Variants in MSH3 observed in about 807,000 individuals in gnomAD.
The protein encoded by MSH3 is mutS homolog 3, also known as DNA mismatch repair protein Msh3.
A neutral mutation model predicts 123.3 loss-of-function variants in MSH3; 106 were observed. That is an observed-to-expected ratio of 0.86 (90% confidence interval 0.73 to 1.01). MSH3 has a LOEUF of 1.01. MSH3 is among the 50% of genes least tolerant of loss of function. The probability of loss-of-function intolerance (pLI) is 0.00; values close to 1 mark genes in which losing one functional copy is unlikely to be tolerated. For missense variants in MSH3, 1,459 were observed against 1,347.6 expected (o/e 1.08, Z -1.29); for synonymous variants, 515 against 481.4 (o/e 1.07, Z -0.91).
intron 4 of MSH3, 113 bp downstream of exon 4, chr5:80,670,422 CT>C: frequency 1.8e-6 from 2 of 1,115,984 alleles, no homozygotes; most frequent in Non-Finnish European, 2.6e-6. Flanking sequence ...GATCAATCAC[CT>C]TTTAAAAAAT....
Position 80,864,922 on chromosome 5 carries a change from A to G in MSH3, c.3110A>G (p.Asp1037Gly), listed in dbSNP as rs1454115884. 6.2e-7 allele frequency: 1 copy of G among 1,613,982 alleles called. No individual in the cohort carries two copies. Among genetic ancestry groups the G allele is most frequent in the East Asian group, 2.2e-5 (1 of 44,854 alleles). The change falls in exon 22 of 24, where the codon GAT becomes GGT. Residue 1037 changes from aspartate to glycine, a missense_variant. Coordinates refer to ENST00000265081, the MANE Select transcript of MSH3 (RefSeq NM_002439.5). ...NYHMGFLVSE[D>G]ESKLDPGAAE... The stretch of plus-strand genomic sequence containing the variant: ...CACATGGGATTCTTGGTCAGTGAGG[A>G]TGAAAGCAAACTGGATCCAGGTATG...
chr5:80,870,708 G>A lies in MSH3; in HGVS notation c.3131-2408G>A, dbSNP rs1054862118. ...GGAAAGCTCTTATCTGTCTGCTGCC[G>A]AATTCTTAGAGGAGGGCCAGGAAAA... On this transcript the variant is annotated intron_variant, in intron 22 of 23. Coordinates refer to ENST00000265081, the MANE Select transcript of MSH3 (RefSeq NM_002439.5). Among the ~76,000 whole-genome samples, 5 of 152,206 alleles carry A rather than the reference G, an allele frequency of 3.3e-5. No individual in the cohort carries two copies. In the South Asian group the frequency reaches 6.2e-4, roughly 19 times the overall value.
At chr5:80,827,916 G>T (rs1402709438) in intron 20 of MSH3, among the ~76,000 whole-genome samples, 2 of 152,088 alleles carry the variant, frequency 1.3e-5, no homozygotes, top group Non-Finnish European at 2.9e-5. Flanking sequence ...ATTTTTCAGA[G>T]CAGTTTTAGG....
chr5:80,659,731 G>T (rs1364865519), intron 2 of MSH3, among the ~76,000 whole-genome samples: 2 of 152,034 alleles, frequency 1.3e-5, no homozygotes, highest in Non-Finnish European at 2.9e-5. Flanking sequence ...TCCATCTCCA[G>T]AACTCATTTT....
intron 21 of MSH3, among the ~76,000 whole-genome samples, chr5:80,863,272 C>T (rs1298016287): frequency 3.3e-5 from 5 of 152,186 alleles, no homozygotes; most frequent in African/African-American, 4.8e-5. Context: ...GCCCGTGACA[C>T]AGCCCTCAGG....
chr5:80,670,513 C>T (rs564433464), intron 4 of MSH3, among the ~76,000 whole-genome samples: 2 of 152,140 alleles, frequency 1.3e-5, no homozygotes, highest in Admixed American at 6.5e-5. Context: ...AGTGAGGGGT[C>T]TCTATTGGAA....
chr5:80,712,259 T>C (rs1174338049), intron 8 of MSH3, among the ~76,000 whole-genome samples: 1 of 152,234 alleles, frequency 6.6e-6, no homozygotes, highest in Non-Finnish European at 1.5e-5. Context: ...TTTTTTCTCT[T>C]CTTTCTCTTT....
At chr5:80,815,683 T>A (rs193005021) in intron 20 of MSH3, among the ~76,000 whole-genome samples, 3 of 152,288 alleles carry the variant, frequency 2.0e-5, no homozygotes, top group Admixed American at 2.0e-4. Flanking sequence ...CACCCTTTTT[T>A]TAAAAAATTT....
chr5:80,725,432 A>G, intron 8 of MSH3, 21 bp from the exon 9 acceptor site: 1 of 1,565,032 alleles, frequency 6.4e-7, no homozygotes, highest in Non-Finnish European at 8.8e-7. Context: ...TTATCTTTGA[A>G]ATTTTCCTTT....
chr5:80,739,877 T>G (rs1384247266), intron 10 of MSH3, among the ~76,000 whole-genome samples: 1 of 152,228 alleles, frequency 6.6e-6, no homozygotes, highest in Non-Finnish European at 1.5e-5. Context: ...GGCTCTGATA[T>G]TAGGTTCTCT....
intron 15 of MSH3, among the ~76,000 whole-genome samples, chr5:80,770,300 G>T (rs1561472324): frequency 6.7e-6 from 1 of 150,026 alleles, no homozygotes; most frequent in Non-Finnish European, 1.5e-5. Flanking sequence ...AGTGGAGAAA[G>T]TAAGTGTAAG....
At chr5:80,810,057 C>T (rs1279865622) in intron 19 of MSH3, among the ~76,000 whole-genome samples, 2 of 151,430 alleles carry the variant, frequency 1.3e-5, no homozygotes, top group African/African-American at 2.4e-5. Flanking sequence ...TAAGGTCATA[C>T]GTAATTAACT....
At chr5:80,872,772 A>G (rs1413714521) in intron 22 of MSH3, among the ~76,000 whole-genome samples, 2 of 152,208 alleles carry the variant, frequency 1.3e-5, no homozygotes, top group Admixed American at 1.3e-4. Context: ...GTGCCACTGC[A>G]CTCCAGCCTA....
chr5:80,785,535 G>T (rs1639752812), intron 17 of MSH3, among the ~76,000 whole-genome samples: 1 of 152,128 alleles, frequency 6.6e-6, no homozygotes, highest in Non-Finnish European at 1.5e-5. Context: ...CAACCATTGT[G>T]GAAGTCAGTG....
chr5:80,754,765 G>A (rs774443181), intron 12 of MSH3, among the ~76,000 whole-genome samples: 20 of 152,098 alleles, frequency 1.3e-4, no homozygotes, highest in Non-Finnish European at 2.2e-4. Flanking sequence ...CATTTTAGTG[G>A]TCAATGTTCT....
intron 21 of MSH3, among the ~76,000 whole-genome samples, chr5:80,861,857 G>A (rs1194665993): frequency 3.3e-5 from 5 of 151,992 alleles, no homozygotes; most frequent in African/African-American, 9.7e-5. Flanking sequence ...TCTAACTTGG[G>A]GGACAGTGGT....
rs1436577168 is a variant in MSH3, at chr5:80,693,083, TTATA to T, written c.1340+13993_1340+13996del. Among the ~76,000 whole-genome samples the T allele has an allele frequency of 3.5e-4, 45 of 130,368 alleles. 1 individual carries two copies. The highest frequency in any genetic ancestry group is 1.1e-3 in the African/African-American group (40 of 35,468). The allele number at this position is 130,368 out of a possible 152,430, so 85.5% of individuals were successfully genotyped here. A position where few individuals can be genotyped will look rare whatever the true frequency, so the allele number is the denominator to read the frequency against. On this transcript the variant is annotated intron_variant, in intron 8 of 23. Transcript: ENST00000265081. ...TAAATATACATGCACATGTATATGT[TTATA>T]TAGATAAATATACATGCACATGTAT...
At chr5:80,767,105 A>C (rs866988095) in intron 13 of MSH3, among the ~76,000 whole-genome samples, 6 of 152,180 alleles carry the variant, frequency 3.9e-5, no homozygotes, top group African/African-American at 1.4e-4. Flanking sequence ...ACTACACTGC[A>C]TGAGTTTTTC....
intron 8 of MSH3, among the ~76,000 whole-genome samples, chr5:80,682,616 A>G (rs1205545290): frequency 6.6e-6 from 1 of 152,160 alleles, no homozygotes; most frequent in Non-Finnish European, 1.5e-5. Flanking sequence ...ATAGATGTAT[A>G]TATTTATGGG....
Sources: gnomAD v4.1 joint callset for allele counts (sites outside exome capture counted in the v4.1 genomes callset) on GRCh38, gnomAD v4.1.1 for gene constraint, MANE v1.5 for transcripts, NCBI Gene and HGNC (gene_info 2026-07-23, HGNC 2026-07-21) for gene names.